Variants in SETBP1 observed in about 807,000 individuals in gnomAD.
The protein encoded by SETBP1 is SET binding protein 1.
In SETBP1, 9 loss-of-function variants were observed where a neutral mutation model predicts 101.0. The observed-to-expected ratio is 0.09, with a 90% CI of 0.05 to 0.16. The LOEUF is 0.16. Among genes scored for constraint, SETBP1 ranks in the 10% least tolerant of loss-of-function variants. SETBP1 has a pLI of 1.00. For missense variants in SETBP1, 1,858 were observed against 2,033.8 expected (o/e 0.91, Z 1.66); for synonymous variants, 818 against 788.5 (o/e 1.04, Z -0.63).
At chr18:44,962,710 C>T (rs556813432) in intron 4 of SETBP1, among the ~76,000 whole-genome samples, 1 of 152,290 alleles carries the variant, frequency 6.6e-6, no homozygotes, top group South Asian at 2.1e-4. Context: ...TGTCCTGTTA[C>T]AGAGAGATTC....
At chr18:44,898,104 C>A (rs1396991297) in intron 3 of SETBP1, among the ~76,000 whole-genome samples, 1 of 152,154 alleles carries the variant, frequency 6.6e-6, no homozygotes, top group Non-Finnish European at 1.5e-5. Context: ...ACTCAGCATA[C>A]CTTTCCATAG....
chr18:44,820,435 C>T (rs549888717), intron 2 of SETBP1, among the ~76,000 whole-genome samples: 4 of 152,062 alleles, frequency 2.6e-5, no homozygotes, highest in Admixed American at 6.5e-5. Context: ...TCTATGTGGG[C>T]GGGAACTGTG....
chr18:44,849,075 G>T (rs1484675714), intron 2 of SETBP1, among the ~76,000 whole-genome samples: 1 of 152,186 alleles, frequency 6.6e-6, no homozygotes, highest in Admixed American at 6.5e-5. Context: ...GCCTTGTAAA[G>T]GCTGTGGGGA....
chr18:45,051,932 T>C (rs2073729135), intron 5 of SETBP1, among the ~76,000 whole-genome samples: 1 of 152,210 alleles, frequency 6.6e-6, no homozygotes. Flanking sequence ...CTAATTTAAT[T>C]GACAGTGATT....
chr18:45,019,690 T>C (rs1366193625), intron 4 of SETBP1, among the ~76,000 whole-genome samples: 1 of 152,222 alleles, frequency 6.6e-6, no homozygotes, highest in Non-Finnish European at 1.5e-5. Flanking sequence ...TATTTTTTTT[T>C]CAACAGGTTC....
intron 3 of SETBP1, among the ~76,000 whole-genome samples, chr18:44,930,521 C>A (rs1156469925): frequency 6.6e-6 from 1 of 152,156 alleles, no homozygotes; most frequent in Non-Finnish European, 1.5e-5. Context: ...GTACCAGTTC[C>A]TCTTTGTACC....
chr18:45,014,964 G>A (rs913802448), intron 4 of SETBP1, among the ~76,000 whole-genome samples: 1 of 152,202 alleles, frequency 6.6e-6, no homozygotes, highest in African/African-American at 2.4e-5. Context: ...AAGAGTTTCA[G>A]GAACTGGAAT....
chr18:44,866,840 A>C (rs2069140533), intron 2 of SETBP1, among the ~76,000 whole-genome samples: 1 of 152,242 alleles, frequency 6.6e-6, no homozygotes, highest in Non-Finnish European at 1.5e-5. Context: ...TTATCAATTA[A>C]ATACAAGCAT....
chr18:45,048,806 A>G (rs1411439264), intron 5 of SETBP1, among the ~76,000 whole-genome samples: 1 of 150,334 alleles, frequency 6.7e-6, no homozygotes, highest in Non-Finnish European at 1.5e-5. Context: ...CCCCGTCTCT[A>G]CTAAAAATAC....
intron 2 of SETBP1, among the ~76,000 whole-genome samples, chr18:44,785,601 C>T (rs1413615702): frequency 1.3e-5 from 2 of 152,032 alleles, no homozygotes; most frequent in Non-Finnish European, 2.9e-5. Context: ...TTTTCCAGTC[C>T]CTAGACTTGT....
chr18:44,836,124 T>C (rs2072489770), intron 2 of SETBP1, among the ~76,000 whole-genome samples: 1 of 151,784 alleles, frequency 6.6e-6, no homozygotes, highest in Non-Finnish European at 1.5e-5. Flanking sequence ...ATAAGCTTTT[T>C]TTTTTTTATT....
At chr18:44,800,190 C>A (rs201784191) in intron 2 of SETBP1, among the ~76,000 whole-genome samples, 1 of 152,070 alleles carries the variant, frequency 6.6e-6, no homozygotes, top group Non-Finnish European at 1.5e-5. Context: ...TGCTAGGAGA[C>A]CTCAAGGCTA....
rs185447212 is a variant in SETBP1 at position 45,043,661 on chromosome 18, G to A, written c.4171+5006G>A. Among the ~76,000 whole-genome samples the A allele has an allele frequency of 2.0e-5, 3 of 152,310 alleles. No individual in the cohort carries two copies. In the East Asian group the frequency reaches 5.8e-4, roughly 29 times the overall value. On this transcript the variant is annotated intron_variant, in intron 5 of 5. Coordinates refer to ENST00000649279, the MANE Select transcript of SETBP1 (RefSeq NM_015559.3). Reference sequence around the variant, plus strand: ...AAAAATATTTAAATTTCATAAGTCTGTTAAATTTTTAGGCATTTTGCTTCT... The same window carrying A: ...AAAAATATTTAAATTTCATAAGTCTATTAAATTTTTAGGCATTTTGCTTCT...
chr18:44,716,556 T>C (rs2069469396), intron 2 of SETBP1, among the ~76,000 whole-genome samples: 1 of 152,070 alleles, frequency 6.6e-6, no homozygotes, highest in South Asian at 2.1e-4. Flanking sequence ...AGGTGAGTCA[T>C]TCTTTTTGTT....
rs761007347 is a variant in SETBP1, at chr18:44,950,768, C to G, written c.1428C>G (p.Pro476=). Reference sequence around the variant, plus strand: ...GTAAAATGATAGAGAATGAGTCCCCCTCAGTTGGCCTTGAAACTGGTGGAA... The same window carrying G: ...GTAAAATGATAGAGAATGAGTCCCCGTCAGTTGGCCTTGAAACTGGTGGAA... ...KLSKMIENES[P]SVGLETGGNA... Residue 476 remains proline, a synonymous_variant, in exon 4 of 6, where the codon CCC becomes CCG. Coordinates refer to ENST00000649279, the MANE Select transcript of SETBP1 (RefSeq NM_015559.3). 9.3e-6 allele frequency: 15 copies of G among 1,614,116 alleles called. No individual in the cohort carries two copies. The highest frequency in any genetic ancestry group is 1.3e-5 in the Non-Finnish European group (15 of 1,180,018).
At chr18:44,808,456 CGAGAGTAGCTCAG>C (rs2071794017) in intron 2 of SETBP1, among the ~76,000 whole-genome samples, 2 of 152,158 alleles carry the variant, frequency 1.3e-5, no homozygotes, top group South Asian at 4.1e-4. Context: ...TCAGAGCCAA[CGAGAGTAGCTCAG>C]GAAGTCTTCA....
At chr18:44,774,481 G>A (rs1184630575) in intron 2 of SETBP1, among the ~76,000 whole-genome samples, 1 of 152,040 alleles carries the variant, frequency 6.6e-6, no homozygotes, top group Non-Finnish European at 1.5e-5. Flanking sequence ...ACCCATCTTG[G>A]ATCTTTATCC....
intron 4 of SETBP1, among the ~76,000 whole-genome samples, chr18:45,020,900 T>G (rs2073046989): frequency 6.6e-6 from 1 of 152,252 alleles, no homozygotes; most frequent in South Asian, 2.1e-4. Flanking sequence ...GTGGGGTGTT[T>G]GTGTATTGAA....
At position 44,980,050 on chromosome 18, in the gene SETBP1, A is replaced by G. The variant is rs146571542; in HGVS notation, c.4000+26710A>G. Among the ~76,000 whole-genome samples the G allele has an allele frequency of 5.6e-4, 85 of 152,340 alleles. No homozygotes were observed. The East Asian group carries it at 0.014, about 26-fold the overall frequency. ...TGTCGTGGTTAGAGCAGTGACCACG[A>G]GAAGTGATGCTTTGTTCTCTATTCT... is the stretch of plus-strand genomic sequence containing the variant. On this transcript the variant is annotated intron_variant, in intron 4 of 5. Coordinates refer to ENST00000649279, the MANE Select transcript of SETBP1 (RefSeq NM_015559.3).
Sources: gnomAD v4.1 joint callset for allele counts (sites outside exome capture counted in the v4.1 genomes callset) on GRCh38, gnomAD v4.1.1 for gene constraint, MANE v1.5 for transcripts, NCBI Gene and HGNC (gene_info 2026-07-23, HGNC 2026-07-21) for gene names.